The following SLC35D1 variants were observed in gnomAD, a reference collection of about 807,000 sequenced individuals.
SLC35D1 encodes solute carrier family 35 member D1.
In SLC35D1, 31 loss-of-function variants were observed where a neutral mutation model predicts 46.7. The observed-to-expected ratio is 0.66, with a 90% CI of 0.50 to 0.90. SLC35D1 has a LOEUF of 0.90. SLC35D1 is among the 40% of genes least tolerant of loss of function. The pLI, the probability that SLC35D1 is intolerant of heterozygous loss-of-function variation, is 0.00. For missense variants in SLC35D1, 397 were observed against 426.2 expected (o/e 0.93, Z 0.60); for synonymous variants, 195 against 164.6 (o/e 1.18, Z -1.41).
chr1:67,034,247 C>T (rs2815366), intron 8 of SLC35D1, among the ~76,000 whole-genome samples: 91,500 of 152,018 alleles, frequency 0.6, 28,984 homozygotes, highest in East Asian at 0.84. Context: ...GGTATTTTGA[C>T]AGGGGTTGAA....
At chr1:67,030,409 G>A (rs1022927850) in intron 8 of SLC35D1, among the ~76,000 whole-genome samples, 7 of 151,978 alleles carry the variant, frequency 4.6e-5, no homozygotes, top group African/African-American at 1.7e-4. Context: ...TTGTTGTAAG[G>A]GACAATGATA....
At chr1:67,033,501 T>G (rs1668059837) in intron 8 of SLC35D1, among the ~76,000 whole-genome samples, 1 of 152,246 alleles carries the variant, frequency 6.6e-6, no homozygotes, top group Non-Finnish European at 1.5e-5. Context: ...ACTTTTTGTA[T>G]ATGACTGTTT....
downstream of SLC35D1, among the ~76,000 whole-genome samples, chr1:66,999,000 T>A (rs1045636959): frequency 3.9e-5 from 6 of 152,202 alleles, no homozygotes; most frequent in Non-Finnish European, 8.8e-5. Flanking sequence ...ACCACAATCT[T>A]TTTCTTTAAA....
chr1:67,052,693 T>C (rs568174777), intron 3 of SLC35D1, 78 bp downstream of exon 3: 2 of 1,472,146 alleles, frequency 1.4e-6, no homozygotes, highest in East Asian at 2.3e-5. Flanking sequence ...AATTTTTAAA[T>C]ACGCAAGGCA....
chr1:66,989,023 T>C, the SLC35D1 span, among the ~76,000 whole-genome samples: 5 of 152,226 alleles, frequency 3.3e-5, no homozygotes, highest in Non-Finnish European at 5.9e-5. Context: ...ATATTTTTCT[T>C]TTGTCAAACT....
At chr1:67,015,160 TAAAA>T (rs140508453) in intron 10 of SLC35D1, among the ~76,000 whole-genome samples, 23 of 85,394 alleles carry the variant, frequency 2.7e-4, no homozygotes, top group Non-Finnish European at 4.6e-4. Context: ...TGTGTTTTTG[TAAAA>T]AAAAAAAAAA....
At chr1:67,044,029 C>T (rs935716445) in intron 7 of SLC35D1, among the ~76,000 whole-genome samples, 4 of 152,078 alleles carry the variant, frequency 2.6e-5, no homozygotes, top group African/African-American at 9.7e-5. Flanking sequence ...AAATAAATAC[C>T]CAACAATTGA....
chr1:67,009,067 TTAAA>T lies in SLC35D1; in HGVS notation c.959+14_959+17del, dbSNP rs756746547. 8 of 1,246,266 alleles carry T rather than the reference TTAAA, an allele frequency of 6.4e-6. No homozygotes were observed. The South Asian group carries it at 8.6e-5, about 13-fold the overall frequency. The allele number at this position is 1,246,266 out of a possible 1,614,324, so 77.2% of individuals were successfully genotyped here. On this transcript the variant is annotated intron_variant, in intron 11 of 11. Transcript: ENST00000235345. ...ATCCAATTCCGATTTTGCAATTTAA[TTAAA>T]TATTTTTACTTACCTGATATTTAAA...
At chr1:66,985,110 T>C in the SLC35D1 span, 1 of 1,223,350 alleles carries the variant, frequency 8.2e-7, no homozygotes, top group Non-Finnish European at 1.0e-6. Flanking sequence ...ATTTTAAAAA[T>C]TAGTAAATTT....
intron 6 of SLC35D1, among the ~76,000 whole-genome samples, chr1:67,048,130 G>C (rs1645270439): frequency 6.6e-6 from 1 of 152,196 alleles, no homozygotes; most frequent in South Asian, 2.1e-4. Flanking sequence ...TATCTAATGA[G>C]TTCTATGCCA....
rs776653054 is a variant in SLC35D1 at position 67,042,249 on chromosome 1, C to T, written c.716G>A (p.Gly239Glu). The change falls in exon 8 of 12, where the codon GGA becomes GAA. Residue 239 changes from glycine (G) to glutamate (E), a missense_variant. By Grantham distance (98) the Gly-to-Glu change is moderately conservative. Coordinates refer to ENST00000235345, the MANE Select transcript of SLC35D1 (RefSeq NM_015139.3). ...LPTLAIAYFT[G>E]DAQKAVEFEG... ...AGAAAGTCCTACCTTTTGTGCATCTCCTGTGAAATACGCAATGGCCAGGGT... is the reference window on the plus strand; with the variant it reads ...AGAAAGTCCTACCTTTTGTGCATCTTCTGTGAAATACGCAATGGCCAGGGT... The T allele has an allele frequency of 1.2e-6, 2 of 1,613,990 alleles. No homozygotes were observed. Among genetic ancestry groups the T allele is most frequent in the East Asian group, 4.5e-5 (2 of 44,890 alleles).
intron 8 of SLC35D1, among the ~76,000 whole-genome samples, chr1:67,033,503 T>C (rs887815510): frequency 1.1e-4 from 17 of 152,236 alleles, no homozygotes; most frequent in African/African-American, 3.6e-4. Flanking sequence ...TTTTTGTATA[T>C]GACTGTTTGC....
chr1:66,988,283 G>C, the SLC35D1 span: 1 of 152,220 alleles, frequency 6.6e-6, no homozygotes, highest in African/African-American at 2.4e-5. Context: ...GACTTTTTCT[G>C]TATCACATAA....
chr1:67,035,687 AT>A (rs1668107931), intron 8 of SLC35D1, among the ~76,000 whole-genome samples: 1 of 150,738 alleles, frequency 6.6e-6, no homozygotes, highest in South Asian at 2.1e-4. Flanking sequence ...AAATTCATTT[AT>A]TTCTGCCCTG....
chr1:67,028,760 CT>C (rs1667963645), intron 8 of SLC35D1, among the ~76,000 whole-genome samples: 1 of 152,086 alleles, frequency 6.6e-6, no homozygotes, highest in Admixed American at 6.6e-5. Context: ...GCTTTACAAT[CT>C]TTTTTCCTCT....
chr1:67,012,118 T>C (rs1198787590), intron 10 of SLC35D1, among the ~76,000 whole-genome samples: 2 of 152,126 alleles, frequency 1.3e-5, no homozygotes, highest in Non-Finnish European at 2.9e-5. Flanking sequence ...AAGACTTTGT[T>C]CCAAATGTGT....
intron 1 of SLC35D1, 138 bp from the exon 2 acceptor site, chr1:67,053,127 T>A: frequency 9.5e-7 from 1 of 1,049,298 alleles, no homozygotes; most frequent in Non-Finnish European, 1.4e-6. Flanking sequence ...CAAACAAAAA[T>A]CTTGGGAGAA....
the SLC35D1 span, chr1:66,988,490 G>A: frequency 6.6e-6 from 1 of 151,796 alleles, no homozygotes; most frequent in Admixed American, 6.6e-5. Context: ...CCTTAGTATT[G>A]TGCTGATCTT....
intron 6 of SLC35D1, among the ~76,000 whole-genome samples, chr1:67,049,355 C>T (rs1209475046): frequency 1.3e-5 from 2 of 151,776 alleles, no homozygotes; most frequent in Non-Finnish European, 2.9e-5. Flanking sequence ...AAGAAAGCCA[C>T]AGATTCAAAT....
Sources: allele counts gnomAD v4.1 joint callset (sites outside exome capture counted in the v4.1 genomes callset), GRCh38; gene constraint gnomAD v4.1.1; transcripts MANE v1.5; gene names NCBI Gene and HGNC (gene_info 2026-07-23, HGNC 2026-07-21).